The following GALNTL6 variants were observed in gnomAD, a reference collection of about 807,000 sequenced individuals.
GALNTL6 encodes polypeptide N-acetylgalactosaminyltransferase-like 6.
GALNTL6 carries 46 observed loss-of-function variants against 73.7 expected under a neutral mutation model. The observed-to-expected ratio is 0.62, with a 90% CI of 0.49 to 0.80. The LOEUF is 0.80. GALNTL6 is among the 30% of genes least tolerant of loss of function. The pLI is 0.00. For synonymous variants in GALNTL6, 259 were observed against 263.7 expected, an observed-to-expected ratio of 0.98 and a Z score of 0.17; for missense variants, 604 against 755.0, an observed-to-expected ratio of 0.80 and a Z score of 2.34.
chr4:172,033,864 A>G (rs1359156737), intron 2 of GALNTL6, among the ~76,000 whole-genome samples: 1 of 152,102 alleles, frequency 6.6e-6, no homozygotes, highest in Non-Finnish European at 1.5e-5. Context: ...AGAGTACAAA[A>G]CTATTAGCCT....
chr4:172,455,476 G>T (rs1002361638), intron 5 of GALNTL6, among the ~76,000 whole-genome samples: 2 of 152,132 alleles, frequency 1.3e-5, no homozygotes, highest in African/African-American at 4.8e-5. Context: ...TTCTTGCTGC[G>T]AGCACAGCAG....
intron 2 of GALNTL6, among the ~76,000 whole-genome samples, chr4:172,164,581 G>A (rs1734567392): frequency 1.3e-5 from 2 of 151,880 alleles, no homozygotes; most frequent in Non-Finnish European, 2.9e-5. Flanking sequence ...CAAATATGGA[G>A]CATTACCTTA....
At chr4:172,126,498 A>C (rs1221073733) in intron 2 of GALNTL6, among the ~76,000 whole-genome samples, 1 of 152,136 alleles carries the variant, frequency 6.6e-6, no homozygotes, top group Non-Finnish European at 1.5e-5. Flanking sequence ...CTGAAGTGTA[A>C]GGGACACGAG....
At chr4:173,001,087 A>T (rs1308547114) in intron 10 of GALNTL6, among the ~76,000 whole-genome samples, 1 of 152,190 alleles carries the variant, frequency 6.6e-6, no homozygotes, top group Non-Finnish European at 1.5e-5. Flanking sequence ...TAAAAGCAGA[A>T]ACCAGCATGA....
At chr4:172,656,763 T>A (rs1579296748) in intron 5 of GALNTL6, among the ~76,000 whole-genome samples, 1 of 152,322 alleles carries the variant, frequency 6.6e-6, no homozygotes, top group East Asian at 1.9e-4. Context: ...TTCTAACAAA[T>A]AACTTGTCTG....
At chr4:172,494,647 G>A (rs1734010281) in intron 5 of GALNTL6, among the ~76,000 whole-genome samples, 1 of 152,150 alleles carries the variant, frequency 6.6e-6, no homozygotes, top group South Asian at 2.1e-4. Context: ...TCAGTCTGTG[G>A]CCAAAAGCCC....
chr4:172,705,154 G>A (rs1445143116), intron 5 of GALNTL6, among the ~76,000 whole-genome samples: 1 of 150,890 alleles, frequency 6.6e-6, no homozygotes, highest in Admixed American at 6.6e-5. Flanking sequence ...CTTTTAATTG[G>A]GGAATTTACT....
chr4:172,103,496 C>T (rs148285565), intron 2 of GALNTL6, among the ~76,000 whole-genome samples: 1 of 152,244 alleles, frequency 6.6e-6, no homozygotes, highest in East Asian at 1.9e-4. Flanking sequence ...TCACTCCTTG[C>T]CTATTCTCCA....
At chr4:172,287,666 C>T (rs1739311084) in intron 3 of GALNTL6, among the ~76,000 whole-genome samples, 1 of 152,110 alleles carries the variant, frequency 6.6e-6, no homozygotes, top group East Asian at 1.9e-4. Flanking sequence ...TAGATAAATT[C>T]CCCTTTCATT....
intron 5 of GALNTL6, among the ~76,000 whole-genome samples, chr4:172,379,393 G>A (rs538647624): frequency 6.6e-6 from 1 of 151,966 alleles, no homozygotes; most frequent in African/African-American, 2.4e-5. Flanking sequence ...AGCCGGGCAC[G>A]GTGGCGGGCG....
At chr4:172,349,839 A>ATG (rs1741882397) in intron 5 of GALNTL6, among the ~76,000 whole-genome samples, 1 of 80,274 alleles carries the variant, frequency 1.2e-5, no homozygotes, top group African/African-American at 3.3e-5. Flanking sequence ...AAATATATAT[A>ATG]TATATATTTT....
At chr4:172,665,711 G>C (rs1208506826) in intron 5 of GALNTL6, among the ~76,000 whole-genome samples, 3 of 152,154 alleles carry the variant, frequency 2.0e-5, no homozygotes, top group Non-Finnish European at 1.5e-5. Flanking sequence ...CCTATCATAA[G>C]ATAGAGCACA....
chr4:171,953,816 G>T (rs1157607108), intron 2 of GALNTL6, among the ~76,000 whole-genome samples: 2 of 152,092 alleles, frequency 1.3e-5, no homozygotes, highest in Non-Finnish European at 2.9e-5. Context: ...GACAGTAAAG[G>T]CATGGGGATT....
Position 172,852,420 on chromosome 4 carries a change from T to A in GALNTL6, c.924-30370T>A, listed in dbSNP as rs115663897. ...TGGAAATACATTACCTCTGCCCACA[T>A]CCCGTTGACTTAAATTCAGTCACGA... On this transcript the variant is annotated intron_variant, in intron 7 of 12. Transcript: ENST00000506823. 5.1e-3 allele frequency among the ~76,000 whole-genome samples: 778 copies of A among 152,198 alleles called. 9 individuals are homozygous for A. The highest frequency in any genetic ancestry group is 0.017 in the African/African-American group (725 of 41,522).
intron 2 of GALNTL6, among the ~76,000 whole-genome samples, chr4:171,988,998 C>T (rs990371877): frequency 4.6e-5 from 7 of 151,968 alleles, no homozygotes; most frequent in African/African-American, 1.7e-4. Context: ...TAAAGTGTCT[C>T]GGCCTAATAA....
intron 5 of GALNTL6, among the ~76,000 whole-genome samples, chr4:172,779,114 C>A (rs1166073356): frequency 2.6e-5 from 4 of 152,008 alleles, no homozygotes; most frequent in Non-Finnish European, 5.9e-5. Context: ...CTGTATATAC[C>A]CAGAGCCTAC....
At chr4:172,436,119 T>C (rs2111391961) in intron 5 of GALNTL6, among the ~76,000 whole-genome samples, 1 of 152,270 alleles carries the variant, frequency 6.6e-6, no homozygotes, top group African/African-American at 2.4e-5. Flanking sequence ...TGACAATCTC[T>C]TTCTTATGTC....
At chr4:172,135,998 G>A (rs1041747989) in intron 2 of GALNTL6, among the ~76,000 whole-genome samples, 48 of 152,214 alleles carry the variant, frequency 3.2e-4, no homozygotes, top group African/African-American at 1.1e-3. Flanking sequence ...CAAATGCTTT[G>A]AGGACCTATC....
chr4:172,820,347 G>A (rs1579524314), intron 7 of GALNTL6, among the ~76,000 whole-genome samples: 1 of 152,064 alleles, frequency 6.6e-6, no homozygotes, highest in Non-Finnish European at 1.5e-5. Flanking sequence ...CATCCCACTT[G>A]GGTTAAATTT....
Sources: allele counts gnomAD v4.1 joint callset (sites outside exome capture counted in the v4.1 genomes callset), GRCh38; gene constraint gnomAD v4.1.1; transcripts MANE v1.5; gene names NCBI Gene and HGNC (gene_info 2026-07-23, HGNC 2026-07-21).